Variants in DMD observed in about 807,000 individuals in gnomAD.
DMD encodes mutant dystrophin.
In DMD, 63 loss-of-function variants were observed where a neutral mutation model predicts 330.1. The ratio of observed to expected loss-of-function variants is 0.19; its 90% CI spans 0.16 to 0.24. The LOEUF (loss-of-function observed/expected upper bound fraction) is 0.24, where lower values mean the gene tolerates loss of function less well. Ranked by LOEUF, DMD falls within the 10% of genes least tolerant of loss-of-function variation. DMD has a pLI of 1.00. For missense variants in DMD, 3,344 were observed against 2,684.1 expected (o/e 1.25, Z -5.43); for synonymous variants, 1,223 against 959.8 (o/e 1.27, Z -5.07).
intron 1 of DMD, among the ~76,000 whole-genome samples, chrX:33,318,482 C>T (rs2053965609): frequency 9.6e-6 from 1 of 104,034 alleles, no homozygotes; most frequent in Non-Finnish European, 2.0e-5. Context: ...GAGTCTTGCT[C>T]TGTCACCCAG....
chrX:31,310,202 TCTCC>T (rs1483794909), intron 62 of DMD, among the ~76,000 whole-genome samples: 1 of 35,790 alleles, frequency 2.8e-5, no homozygotes, highest in Non-Finnish European at 4.8e-5. Flanking sequence ...TCTCTCTCTC[TCTCC>T]ATATATATAT....
At chrX:32,512,774 C>T (rs763717831) in intron 18 of DMD, among the ~76,000 whole-genome samples, 57 of 111,980 alleles carry the variant, frequency 5.1e-4, no homozygotes, top group African/African-American at 1.7e-3. Context: ...AGAGAGACAG[C>T]GCATCACAGG....
chrX:31,752,840 C>G (rs1333568214), intron 51 of DMD, among the ~76,000 whole-genome samples: 1 of 111,550 alleles, frequency 9.0e-6, no homozygotes, highest in Non-Finnish European at 1.9e-5. Flanking sequence ...TTCTTCCCAG[C>G]TGTCTTCCTC....
intron 1 of DMD, among the ~76,000 whole-genome samples, chrX:33,028,420 G>A (rs2094042285): frequency 8.9e-6 from 1 of 111,876 alleles, no homozygotes; most frequent in African/African-American, 3.2e-5. Flanking sequence ...AGATTATTCA[G>A]AATGGCATAT....
chrX:32,486,577 A>G (rs2042493828), intron 20 of DMD, among the ~76,000 whole-genome samples: 1 of 110,533 alleles, frequency 9.0e-6, no homozygotes, highest in Non-Finnish European at 1.9e-5. Flanking sequence ...AGCTGGAGGC[A>G]TCACACTACC....
At chrX:33,250,347 C>T (rs747305402) in intron 1 of DMD, among the ~76,000 whole-genome samples, 108 of 108,887 alleles carry the variant, frequency 9.9e-4, no homozygotes, top group African/African-American at 3.4e-3. Flanking sequence ...CCCTCACATG[C>T]GCAGTTCACA....
intron 28 of DMD, among the ~76,000 whole-genome samples, chrX:32,439,647 C>T (rs1439321561): frequency 1.8e-5 from 2 of 111,097 alleles, no homozygotes; most frequent in African/African-American, 3.3e-5. Context: ...ACCTAGAAGT[C>T]GTGCAGTTTT....
intron 55 of DMD, among the ~76,000 whole-genome samples, chrX:31,528,829 T>C (rs1461435458): frequency 9.1e-6 from 1 of 110,479 alleles, no homozygotes; most frequent in Admixed American, 9.7e-5. Flanking sequence ...GTGTCCAGGA[T>C]GCTAATAATA....
intron 18 of DMD, among the ~76,000 whole-genome samples, chrX:32,504,857 C>A (rs1296319982): frequency 9.1e-6 from 1 of 110,190 alleles, no homozygotes; most frequent in Admixed American, 9.7e-5. Context: ...ACGTAACAAA[C>A]CTGCACATTT....
At chrX:31,739,469 TA>T (rs2087129522) in intron 51 of DMD, among the ~76,000 whole-genome samples, 1 of 111,692 alleles carries the variant, frequency 9.0e-6, no homozygotes, top group African/African-American at 3.3e-5. Context: ...TTCTTTGTAG[TA>T]ATGTTTCAAT....
At chrX:32,857,206 C>T (rs1481498871) in intron 2 of DMD, among the ~76,000 whole-genome samples, 2 of 112,401 alleles carry the variant, frequency 1.8e-5, no homozygotes, top group African/African-American at 6.5e-5. Context: ...TATTTACCCC[C>T]TAAATATACT....
intron 52 of DMD, among the ~76,000 whole-genome samples, chrX:31,715,434 A>T (rs1010604087): frequency 6.8e-5 from 7 of 103,122 alleles, no homozygotes; most frequent in East Asian, 6.2e-4. Flanking sequence ...TCCCAGCTAC[A>T]CGGGAGGCTG....
intron 51 of DMD, among the ~76,000 whole-genome samples, chrX:31,748,516 A>G (rs915037805): frequency 9.0e-6 from 1 of 111,488 alleles, no homozygotes; most frequent in African/African-American, 3.3e-5. Context: ...ATTACTATCT[A>G]CTCAAATGTT....
intron 27 of DMD, among the ~76,000 whole-genome samples, chrX:32,441,570 A>G (rs903893305): frequency 2.7e-5 from 3 of 111,709 alleles, no homozygotes; most frequent in Non-Finnish European, 5.7e-5. Context: ...TAAAATAAAA[A>G]TAAGCACCAA....
intron 2 of DMD, among the ~76,000 whole-genome samples, chrX:32,856,108 G>C (rs2081532155): frequency 8.9e-6 from 1 of 112,059 alleles, no homozygotes; most frequent in Non-Finnish European, 1.9e-5. Flanking sequence ...ACTACAATGA[G>C]GTATCATCTC....
chrX:32,678,895 A>G (rs1345616385), intron 9 of DMD, among the ~76,000 whole-genome samples: 2 of 112,083 alleles, frequency 1.8e-5, no homozygotes, highest in Non-Finnish European at 3.8e-5. Context: ...TATAATTTGC[A>G]TAAGTTAATC....
At chrX:31,512,110 C>T (rs1441603030) in intron 55 of DMD, among the ~76,000 whole-genome samples, 3 of 109,200 alleles carry the variant, frequency 2.7e-5, no homozygotes, top group African/African-American at 1.0e-4. Context: ...TTTCATGTGT[C>T]TTTTGGCTGC....
chrX:32,033,666 AAGAAAGG>A (rs1414020784), intron 44 of DMD, among the ~76,000 whole-genome samples: 7 of 70,585 alleles, frequency 9.9e-5, no homozygotes, highest in African/African-American at 3.6e-4. Flanking sequence ...GAAAGAAAGA[AAGAAAGG>A]AAGGAAAGAA....
At chrX:32,503,274 C>A (rs1050064017) in intron 18 of DMD, among the ~76,000 whole-genome samples, 8 of 111,503 alleles carry the variant, frequency 7.2e-5, no homozygotes, top group African/African-American at 2.6e-4. Context: ...GTAGTCCCAG[C>A]TACTCAGGAA....
Sources: gnomAD v4.1 joint callset for allele counts (sites outside exome capture counted in the v4.1 genomes callset) on GRCh38, gnomAD v4.1.1 for gene constraint, MANE v1.5 for transcripts, NCBI Gene and HGNC (gene_info 2026-07-23, HGNC 2026-07-21) for gene names.